The following TRMT11 variants were observed in gnomAD, a reference collection of about 807,000 sequenced individuals.
TRMT11 encodes tRNA (guanine(10)-N(2))-methyltransferase TRMT11.
TRMT11 carries 53 observed loss-of-function variants against 62.8 expected under a neutral mutation model. The ratio of observed to expected loss-of-function variants is 0.84; its 90% confidence interval spans 0.68 to 1.06. The LOEUF (loss-of-function observed/expected upper bound fraction) is 1.06, where lower values mean the gene tolerates loss of function less well. Ranked by LOEUF, TRMT11 falls within the 50% of genes least tolerant of loss-of-function variation. TRMT11 has a pLI of 0.00. For missense variants in TRMT11, 556 were observed against 553.4 expected (o/e 1.00, Z -0.05); for synonymous variants, 188 against 190.3 (o/e 0.99, Z 0.10).
intron 12 of TRMT11, among the ~76,000 whole-genome samples, chr6:126,023,100 A>G (rs1324999371): frequency 6.6e-6 from 1 of 152,226 alleles, no homozygotes; most frequent in South Asian, 2.1e-4. Flanking sequence ...ATTTTATACC[A>G]GACTAATTAT....
At chr6:126,071,026 G>A (rs1455801597) in intron 17 of TRMT11, among the ~76,000 whole-genome samples, 1 of 152,150 alleles carries the variant, frequency 6.6e-6, no homozygotes, top group East Asian at 1.9e-4. Context: ...GACCTGAGCT[G>A]GTCATGAAGA....
chr6:126,071,717 T>A, intron 17 of TRMT11, among the ~76,000 whole-genome samples: 1 of 151,218 alleles, frequency 6.6e-6, no homozygotes, highest in Non-Finnish European at 1.5e-5. Flanking sequence ...GGAAGAAGAA[T>A]GTGGGATTAG....
chr6:125,991,518 G>A (rs546724369), intron 1 of TRMT11, among the ~76,000 whole-genome samples: 35 of 152,162 alleles, frequency 2.3e-4, no homozygotes, highest in African/African-American at 8.2e-4. Context: ...TGTTGCCAGG[G>A]TTGGTCTCAG....
intron 1 of TRMT11, among the ~76,000 whole-genome samples, chr6:126,194,921 C>G (rs1778647269): frequency 6.6e-6 from 1 of 151,970 alleles, no homozygotes; most frequent in Non-Finnish European, 1.5e-5. Context: ...TTGAGATCAG[C>G]CCGAGCAACA....
At chr6:126,206,918 G>A (rs1166124320), downstream of TRMT11, among the ~76,000 whole-genome samples, 1 of 152,186 alleles carries the variant, frequency 6.6e-6, no homozygotes, top group Non-Finnish European at 1.5e-5. Context: ...AATTAAAGCA[G>A]TATCTTTTAG....
At chr6:126,000,630 T>G (rs750932575) in intron 7 of TRMT11, among the ~76,000 whole-genome samples, 1 of 152,142 alleles carries the variant, frequency 6.6e-6, no homozygotes. Context: ...TCTCTCTGCA[T>G]TGGGATCTGC....
At chr6:125,987,474 C>G (rs1789846112) in intron 1 of TRMT11, among the ~76,000 whole-genome samples, 1 of 152,054 alleles carries the variant, frequency 6.6e-6, no homozygotes, top group Non-Finnish European at 1.5e-5. Context: ...CCTTGAGTAC[C>G]CTGGAGCTTG....
intron 17 of TRMT11, among the ~76,000 whole-genome samples, chr6:126,091,140 G>C (rs1777271303): frequency 6.6e-6 from 1 of 151,462 alleles, no homozygotes; most frequent in Non-Finnish European, 1.5e-5. Flanking sequence ...GGAGGTGGAG[G>C]TTGCAGTGAG....
At chr6:126,237,457 A>G in the TRMT11 span, among the ~76,000 whole-genome samples, 1 of 152,124 alleles carries the variant, frequency 6.6e-6, no homozygotes, top group Admixed American at 6.5e-5. Flanking sequence ...AGGTGGGAGG[A>G]TTGCTTAAGC....
intron 21 of TRMT11, among the ~76,000 whole-genome samples, chr6:126,151,943 C>CTTTCT (rs1554242330): frequency 0.085 from 2,886 of 33,876 alleles, 251 homozygotes; most frequent in Non-Finnish European, 0.098. Context: ...TTCTTTCTTT[C>CTTTCT]TTTTCTTTCT....
At chr6:126,151,124 C>G (rs113582317) in intron 21 of TRMT11, among the ~76,000 whole-genome samples, 1,800 of 152,048 alleles carry the variant, frequency 0.012, 43 homozygotes, top group African/African-American at 0.04. Context: ...TTGCATATAC[C>G]TTGGGGTTAT....
the TRMT11 span, among the ~76,000 whole-genome samples, chr6:126,266,014 T>C: frequency 2.1e-4 from 32 of 152,198 alleles, no homozygotes; most frequent in Non-Finnish European, 4.0e-4. Flanking sequence ...ATGAGCCATC[T>C]TTTTTAAACA....
chr6:126,225,566 C>G, the TRMT11 span, among the ~76,000 whole-genome samples: 1 of 151,926 alleles, frequency 6.6e-6, no homozygotes. Flanking sequence ...AGTCCACCAT[C>G]TTGGCTCTTC....
intron 21 of TRMT11, among the ~76,000 whole-genome samples, chr6:126,149,459 T>C (rs1778013222): frequency 6.6e-6 from 1 of 152,144 alleles, no homozygotes; most frequent in Non-Finnish European, 1.5e-5. Context: ...TTATTTAATA[T>C]TGTCCTTACA....
chr6:126,068,935 T>C (rs1776766300), intron 17 of TRMT11, among the ~76,000 whole-genome samples: 1 of 152,220 alleles, frequency 6.6e-6, no homozygotes, highest in African/African-American at 2.4e-5. Flanking sequence ...GTAACAGAAG[T>C]CTGGCATTGG....
intron 16 of TRMT11, among the ~76,000 whole-genome samples, chr6:126,051,005 A>G (rs1042301432): frequency 1.3e-5 from 2 of 152,184 alleles, no homozygotes; most frequent in Admixed American, 6.5e-5. Flanking sequence ...AGGGGGCCCT[A>G]TGGGAACATG....
At chr6:125,989,400 C>A (rs2128728843) in intron 1 of TRMT11, among the ~76,000 whole-genome samples, 1 of 152,214 alleles carries the variant, frequency 6.6e-6, no homozygotes, top group Admixed American at 6.5e-5. Flanking sequence ...CAGGCATGAG[C>A]CACTGCGCCT....
At chr6:126,180,435 A>G (rs531143259) in intron 1 of TRMT11, among the ~76,000 whole-genome samples, 4 of 152,306 alleles carry the variant, frequency 2.6e-5, no homozygotes, top group African/African-American at 9.6e-5. Context: ...CGCAAGGACA[A>G]TTTAGCAAGG....
rs1778627491 is a variant in TRMT11 at position 126,193,488 on chromosome 6, G to GTTTTTTTTTTTTTTTTTTTTTTTTTTTT, written n.144-5310_144-5309insTTTTTTTTTTTTTTTTTTTTTTTTTTTT. On this transcript the variant is annotated intron_variant and non_coding_transcript_variant, in intron 1 of 3. Transcript: ENST00000444229. ...TAGGTTATTTAAGAGGAGCGTTTCTGTATTTTTTTTTTTTTTTTTTTTTTT... is the reference window on the plus strand; with the variant it reads ...TAGGTTATTTAAGAGGAGCGTTTCTGTTTTTTTTTTTTTTTTTTTTTTTTTTTTTATTTTTTTTTTTTTTTTTTTTTTT... Among the ~76,000 whole-genome samples, 2 of 118,140 alleles carry GTTTTTTTTTTTTTTTTTTTTTTTTTTTT rather than the reference G, an allele frequency of 1.7e-5. 1 individual carries two copies. Among genetic ancestry groups the GTTTTTTTTTTTTTTTTTTTTTTTTTTTT allele is most frequent in the African/African-American group, 7.4e-5 (2 of 26,868 alleles). The allele number at this position is 118,140 out of a possible 152,430, so 77.5% of individuals were successfully genotyped here.
Sources: gnomAD v4.1 joint callset for allele counts (sites outside exome capture counted in the v4.1 genomes callset) on GRCh38, gnomAD v4.1.1 for gene constraint, MANE v1.5 for transcripts, NCBI Gene and HGNC (gene_info 2026-07-23, HGNC 2026-07-21) for gene names.